Variants in BICD1 observed in about 807,000 individuals in gnomAD.
The protein encoded by BICD1 is protein bicaudal D homolog 1.
BICD1 carries 35 observed loss-of-function variants against 92.5 expected under a neutral mutation model. The observed-to-expected ratio is 0.38, with a 90% CI of 0.29 to 0.50. BICD1 has a LOEUF of 0.50. Ranked by LOEUF, BICD1 falls within the 20% of genes least tolerant of loss-of-function variation. The pLI, the probability that BICD1 is intolerant of heterozygous loss-of-function variation, is 0.93. For synonymous variants in BICD1, 429 were observed against 465.1 expected (o/e 0.92, Z 1.00); for missense variants, 950 against 1,189.8 (o/e 0.80, Z 2.97).
At chr12:32,129,006 A>G (rs1380922039) in intron 1 of BICD1, among the ~76,000 whole-genome samples, 1 of 151,756 alleles carries the variant, frequency 6.6e-6, no homozygotes, top group African/African-American at 2.4e-5. Context: ...CAGTGGCACG[A>G]TCTTGGCTCA....
chr12:32,314,761 G>C (rs1044442388), intron 4 of BICD1, among the ~76,000 whole-genome samples: 1 of 147,020 alleles, frequency 6.8e-6, no homozygotes, highest in African/African-American at 2.5e-5. Context: ...GTACAAAGGA[G>C]TTTTTTTTTT....
chr12:32,314,191 T>C (rs1948444695), intron 4 of BICD1, among the ~76,000 whole-genome samples: 1 of 152,166 alleles, frequency 6.6e-6, no homozygotes. Context: ...GACACTTTAG[T>C]TGTTTGTTTT....
intron 2 of BICD1, among the ~76,000 whole-genome samples, chr12:32,237,317 C>T (rs1946101969): frequency 6.6e-6 from 1 of 152,214 alleles, no homozygotes. Flanking sequence ...ATCTTCATAA[C>T]ATAAAAGGGC....
At position 32,379,416 on chromosome 12, in the gene BICD1, GT is replaced by G. The variant is rs753171715; in HGVS notation, c.*1791del. On this transcript the variant is annotated 3_prime_UTR_variant, in exon 10 of 10. Transcript: ENST00000652176. ...TTTATTATGCAACGTGGAGTAAAGA[GT>G]TGAAATCTTCACCAAAATAAGGGTT... 3.9e-5 allele frequency: 6 copies of G among 152,328 alleles called. No homozygotes were observed. The highest frequency in any genetic ancestry group is 8.8e-5 in the Non-Finnish European group (6 of 68,030). The allele number at this position is 152,328 out of a possible 1,614,324, so 9.4% of individuals were successfully genotyped here. A position where few individuals can be genotyped will look rare whatever the true frequency, so the allele number is the denominator to read the frequency against.
chr12:32,144,745 T>C (rs1328655704), intron 1 of BICD1, among the ~76,000 whole-genome samples: 1 of 152,264 alleles, frequency 6.6e-6, no homozygotes, highest in Non-Finnish European at 1.5e-5. Flanking sequence ...AGCTCCTATT[T>C]CTTTCATAAA....
intron 2 of BICD1, among the ~76,000 whole-genome samples, chr12:32,230,126 G>A (rs183020003): frequency 2.0e-5 from 3 of 152,190 alleles, no homozygotes; most frequent in Admixed American, 2.0e-4. Context: ...TGAGAGGGAA[G>A]GTAGGGGAGG....
chr12:32,225,626 T>TGTTTTTTTTTTG (rs1308619516), intron 2 of BICD1, among the ~76,000 whole-genome samples: 1 of 118,016 alleles, frequency 8.5e-6, no homozygotes, highest in African/African-American at 4.2e-5. Flanking sequence ...TTTCTGTTTT[T>TGTTTTTTTTTTG]TTTTTTTTTT....
At chr12:32,128,183 C>T (rs919742669) in intron 1 of BICD1, among the ~76,000 whole-genome samples, 8 of 152,144 alleles carry the variant, frequency 5.3e-5, no homozygotes, top group African/African-American at 9.7e-5. Context: ...GGATCACAGG[C>T]GTGAGCCACC....
chr12:32,288,271 G>A (rs1947632571), intron 2 of BICD1, among the ~76,000 whole-genome samples: 1 of 137,286 alleles, frequency 7.3e-6, no homozygotes, highest in East Asian at 2.1e-4. Context: ...TCACTCTGTA[G>A]CCCAGGCTGG....
chr12:32,188,989 T>G (rs965272507), intron 1 of BICD1, among the ~76,000 whole-genome samples: 1 of 152,236 alleles, frequency 6.6e-6, no homozygotes, highest in Non-Finnish European at 1.5e-5. Context: ...GTTATTTTTC[T>G]TGAACCTTCT....
intron 1 of BICD1, among the ~76,000 whole-genome samples, chr12:32,188,583 G>C (rs1471657438): frequency 6.6e-6 from 1 of 152,200 alleles, no homozygotes; most frequent in African/African-American, 2.4e-5. Context: ...CTACTTATTA[G>C]TTTGAAGAGA....
chr12:32,352,627 C>T (rs1321098196), intron 8 of BICD1: 1 of 152,120 alleles, frequency 6.6e-6, no homozygotes, highest in Non-Finnish European at 1.5e-5. Flanking sequence ...GCCTTGCCTC[C>T]CAGTTCTTCA....
rs55816130 is a variant in BICD1 at position 32,121,591 on chromosome 12, CAAAAATAAAAATAAAAAT to C, written c.213+14070_213+14087del. 5.4e-4 allele frequency among the ~76,000 whole-genome samples: 74 copies of C among 138,270 alleles called. 1 individual carries two copies. Among genetic ancestry groups the C allele is most frequent in the East Asian group, 1.1e-3 (5 of 4,576 alleles). 90.7% of individuals were successfully genotyped at this position (138,270 alleles called of 152,430 possible). A position where few individuals can be genotyped will look rare whatever the true frequency, so the allele number is the denominator to read the frequency against. ...CTGGGCGAGAGTCTTGTTCTGTCTC[CAAAAATAAAAATAAAAAT>C]AAAAATAAAAATAAAAATAAAAGCG... On this transcript the variant is annotated intron_variant, in intron 1 of 9. Coordinates refer to ENST00000652176, the MANE Select transcript of BICD1 (RefSeq NM_001714.4).
chr12:32,324,447 CTT>C (rs1164655418), intron 4 of BICD1, among the ~76,000 whole-genome samples: 1 of 152,044 alleles, frequency 6.6e-6, no homozygotes, highest in Non-Finnish European at 1.5e-5. Context: ...TTTGGATCAC[CTT>C]CCAACATTTT....
At chr12:32,222,807 A>G (rs1284220358) in intron 2 of BICD1, among the ~76,000 whole-genome samples, 1 of 152,136 alleles carries the variant, frequency 6.6e-6, no homozygotes, top group African/African-American at 2.4e-5. Context: ...TTTCCAGCGT[A>G]TGAGGACAAG....
In BICD1 at chr12:32,107,372, A is replaced by C; in HGVS notation, c.41A>C (p.Lys14Thr). 1 of 1,610,652 alleles carries C rather than the reference A, an allele frequency of 6.2e-7. No individual in the cohort carries two copies. The highest frequency in any genetic ancestry group is 2.2e-5 in the East Asian group (1 of 44,832). The change falls in exon 1 of 10, where the codon AAG becomes ACG. Residue 14 changes from lysine (K) to threonine (T), a missense_variant. Lys to Thr is a moderately conservative substitution (Grantham distance 78). This residue lies in a region of BICD1 where 202 missense variants were observed against 205.3 expected (regional missense o/e 0.98). Coordinates refer to ENST00000652176, the MANE Select transcript of BICD1 (RefSeq NM_001714.4). ...EEVLQTVDHY[K>T]TEIERLTKEL... ...GTATTGCAGACGGTGGACCATTATA[A>C]GACTGAGATAGAGAGGCTAACCAAG...
chr12:32,216,125 C>T (rs780803846), intron 1 of BICD1, 122 bp from the exon 2 acceptor site: 217 of 815,404 alleles, frequency 2.7e-4, no homozygotes, highest in Non-Finnish European at 3.7e-4. Context: ...TGTTATATTT[C>T]GGGGGTCTTG....
At chr12:32,279,983 A>G (rs1328234026) in intron 2 of BICD1, among the ~76,000 whole-genome samples, 1 of 152,182 alleles carries the variant, frequency 6.6e-6, no homozygotes, top group Non-Finnish European at 1.5e-5. Flanking sequence ...CTGTAATCCC[A>G]GCTACTTGGG....
intron 5 of BICD1, chr12:32,333,147 T>A: frequency 1.0e-6 from 1 of 984,658 alleles, no homozygotes; most frequent in Non-Finnish European, 1.2e-6. Context: ...ATTTGTTACA[T>A]CTACATTTCA....
Sources: allele counts gnomAD v4.1 joint callset (sites outside exome capture counted in the v4.1 genomes callset), GRCh38; gene constraint gnomAD v4.1.1; regional missense constraint gnomAD v4.1.1; transcripts MANE v1.5; gene names NCBI Gene and HGNC (gene_info 2026-07-23, HGNC 2026-07-21).